The following ECHDC2 variants were observed in gnomAD, a reference collection of about 807,000 sequenced individuals.
ECHDC2 encodes enoyl-CoA hydratase domain containing 2, also known as enoyl-CoA hydratase domain-containing protein 2, mitochondrial.
A neutral mutation model predicts 40.6 loss-of-function variants in ECHDC2; 34 were observed. The observed-to-expected ratio is 0.84, with a 90% CI of 0.64 to 1.11. The LOEUF (loss-of-function observed/expected upper bound fraction) is 1.11. Ranked by LOEUF, ECHDC2 falls within the 50% of genes most tolerant of loss-of-function variation. The probability of loss-of-function intolerance (pLI) is 0.00; values close to 1 mark genes in which losing one functional copy is unlikely to be tolerated. For synonymous variants in ECHDC2, 162 were observed against 166.6 expected (o/e 0.97, Z 0.21); for missense variants, 392 against 400.7 (o/e 0.98, Z 0.19).
chr1:52,914,041 C>T lies in ECHDC2; in HGVS notation c.122-2251G>A. 1 of 1,144,268 alleles carries T rather than the reference C, an allele frequency of 8.7e-7. No individual in the cohort carries two copies. Among genetic ancestry groups the T allele is most frequent in the Non-Finnish European group, 1.2e-6 (1 of 858,720 alleles). 70.9% of individuals were successfully genotyped at this position (1,144,268 alleles called of 1,614,324 possible). On this transcript the variant is annotated intron_variant, in intron 1 of 9. Transcript: ENST00000371522. The surrounding 1 kb of genome is among the most constrained non-coding windows in gnomAD (Gnocchi z 4.0). ...GCTGTGTGCTGGCCTCTACTAGACA[C>T]CGTGATTCCAGAGACCAGGACAGAC...
At chr1:52,917,457 G>A (rs1251093983) in intron 1 of ECHDC2, 2 of 432,286 alleles carry the variant, frequency 4.6e-6, no homozygotes, top group Admixed American at 4.9e-5. Flanking sequence ...CAGAGCAGGG[G>A]AGTTCCAAAA....
chr1:52,896,703 C>T, intron 9 of ECHDC2, 106 bp from the exon 10 acceptor site: 1 of 906,608 alleles, frequency 1.1e-6, no homozygotes, highest in Non-Finnish European at 1.8e-6. Context: ...CCAAGTGTTT[C>T]CATTGTCTCT....
chr1:52,899,500 T>G (rs1425560800), intron 7 of ECHDC2: 1 of 476,788 alleles, frequency 2.1e-6, no homozygotes, highest in African/African-American at 2.0e-5. Flanking sequence ...ACAAAGTGCT[T>G]TCCTCCCCCA....
Position 52,896,216 on chromosome 1 carries a change from C to A in ECHDC2, c.*304G>T. On this transcript the variant is annotated 3_prime_UTR_variant, in exon 10 of 10. Coordinates refer to ENST00000371522, the MANE Select transcript of ECHDC2 (RefSeq NM_001198961.2). ...GGTCAGGGGCTGAGAGCCAATGATA[C>A]CAAGACTCAGAGAGATCTAATTTAA... 1 of 330,748 alleles carries A rather than the reference C, an allele frequency of 3.0e-6. No individual in the cohort carries two copies. 20.5% of individuals were successfully genotyped at this position (330,748 alleles called of 1,614,324 possible).
Position 52,914,040 on chromosome 1 carries a change from A to G in ECHDC2, c.122-2250T>C, listed in dbSNP as rs769326038. The G allele has an allele frequency of 5.2e-6, 6 of 1,148,130 alleles. No homozygotes were observed. The highest frequency in any genetic ancestry group is 1.6e-5 in the African/African-American group (1 of 63,004). The allele number at this position is 1,148,130 out of a possible 1,614,324, so 71.1% of individuals were successfully genotyped here. ...TGCTGTGTGCTGGCCTCTACTAGACACCGTGATTCCAGAGACCAGGACAGA... is the reference window on the plus strand; with the variant it reads ...TGCTGTGTGCTGGCCTCTACTAGACGCCGTGATTCCAGAGACCAGGACAGA... On this transcript the variant is annotated intron_variant, in intron 1 of 9. Transcript: ENST00000371522. This position sits in a 1 kb window ranked among gnomAD's most constrained non-coding sequence, Gnocchi z 4.0.
At chr1:52,904,532 G>A (rs1484885770) in intron 7 of ECHDC2, 114 bp downstream of exon 7, 2 of 945,436 alleles carry the variant, frequency 2.1e-6, no homozygotes, top group East Asian at 5.5e-5. Flanking sequence ...ACTCCAAAGA[G>A]GGTTAATCAT....
intron 1 of ECHDC2, chr1:52,917,561 G>A (rs535179932): frequency 4.4e-6 from 2 of 456,110 alleles, no homozygotes; most frequent in South Asian, 1.5e-5. Context: ...TGAGCCCATG[G>A]GTAGAGGAGG....
In ECHDC2 at chr1:52,905,059, G is replaced by A. The variant is rs1271360956; in HGVS notation, c.489C>T (p.Thr163=). Residue 163 remains threonine (T), a synonymous_variant, in exon 6 of 10, where the codon ACC becomes ACT. Coordinates refer to ENST00000371522, the MANE Select transcript of ECHDC2 (RefSeq NM_001198961.2). ...CTGCCCCCGGGAGGAGCCCTCGCGT[G>A]GTCTCAATCAGTCCCATGACTGCCG... ...ASSAVMGLIE[T]TRGLLPGAGG... is the part of the protein sequence containing the mutation. The A allele has an allele frequency of 6.2e-7, 1 of 1,614,186 alleles. No homozygotes were observed. The highest frequency in any genetic ancestry group is 1.7e-5 in the Admixed American group (1 of 60,030).
chr1:52,918,278 C>T (rs1651138903), intron 1 of ECHDC2, among the ~76,000 whole-genome samples: 2 of 151,894 alleles, frequency 1.3e-5, no homozygotes. Context: ...GCCTGCCTCA[C>T]CCTCTCAACG....
intron 3 of ECHDC2, among the ~76,000 whole-genome samples, chr1:52,910,831 G>A (rs190114219): frequency 1.3e-5 from 2 of 152,354 alleles, no homozygotes; most frequent in East Asian, 3.9e-4. Flanking sequence ...GCGCCTTGGC[G>A]GGAAGAGTGA....
In ECHDC2 at chr1:52,904,753, TTCCACTCAGTCGTCGGCCCG is replaced by T; in HGVS notation, c.575_594del (p.Thr192AsnfsTer2). The T allele has an allele frequency of 6.2e-7, 1 of 1,613,008 alleles. No homozygotes were observed. On this transcript the variant is annotated frameshift_variant, in exon 7 of 10. Transcript: ENST00000371522. LOFTEE classifies it high-confidence loss of function. ...ACCAGCCCCAGTACGTGGGCCTCAG[TTCCACTCAGTCGTCGGCCCG>T]TGAAGATGAGCTCCTTCGCCAGGGC...
Position 52,914,301 on chromosome 1 carries a change from T to TGTGCATGTAAGTGTGCATGC in ECHDC2, c.122-2531_122-2512dup, listed in dbSNP as rs1172631889. Among the ~76,000 whole-genome samples the TGTGCATGTAAGTGTGCATGC allele has an allele frequency of 9.2e-5, 14 of 152,170 alleles. No homozygotes were observed. The highest frequency in any genetic ancestry group is 1.9e-4 in the Non-Finnish European group (13 of 68,026). ...CAGGCAAAAGATGTAAGAGTGCATG[T>TGTGCATGTAAGTGTGCATGC]GTGCATGTAAGTGTGCATGCATGGG... On this transcript the variant is annotated intron_variant, in intron 1 of 9. Transcript: ENST00000371522. This position sits in a 1 kb window ranked among gnomAD's most constrained non-coding sequence, Gnocchi z 4.0.
chr1:52,896,646 C>T, intron 9 of ECHDC2, 49 bp from the exon 10 acceptor site: 1 of 1,497,000 alleles, frequency 6.7e-7, no homozygotes, highest in Non-Finnish European at 9.3e-7. Context: ...GGCCACAGGC[C>T]CAAAAAGAGT....
chr1:52,899,164 A>G lies in ECHDC2; in HGVS notation c.753+10T>C. 1 of 1,613,908 alleles carries G rather than the reference A, an allele frequency of 6.2e-7. No homozygotes were observed. The highest frequency in any genetic ancestry group is 1.3e-5 in the African/African-American group (1 of 74,932). ...TAGTGGACCCAAGTCCCAACCCAAAACCCTCTCACCTCCGTTCCTCGGTCA... is the reference window on the plus strand; with the variant it reads ...TAGTGGACCCAAGTCCCAACCCAAAGCCCTCTCACCTCCGTTCCTCGGTCA... On this transcript the variant is annotated intron_variant, in intron 8 of 9. Coordinates refer to ENST00000371522, the MANE Select transcript of ECHDC2 (RefSeq NM_001198961.2).
rs552149494 is a variant in ECHDC2 at position 52,896,091 on chromosome 1, G to C, written c.*429C>G. The stretch of plus-strand genomic sequence containing the variant: ...TCTGACCCCTGACACATGTTCAACC[G>C]ATGTCAGAGTTTATTTATTACCTCT... On this transcript the variant is annotated 3_prime_UTR_variant, in exon 10 of 10. Coordinates refer to ENST00000371522, the MANE Select transcript of ECHDC2 (RefSeq NM_001198961.2). 17 of 171,680 alleles carry C rather than the reference G, an allele frequency of 9.9e-5. No individual in the cohort carries two copies. Among genetic ancestry groups the C allele is most frequent in the Non-Finnish European group, 1.8e-4 (14 of 78,556 alleles). The allele number at this position is 171,680 out of a possible 1,614,324, so 10.6% of individuals were successfully genotyped here.
chr1:52,896,874 G>A (rs1646668972), intron 9 of ECHDC2: 1 of 443,488 alleles, frequency 2.3e-6, no homozygotes, highest in Non-Finnish European at 4.1e-6. Flanking sequence ...GTCTGCAGTG[G>A]TCTGACATGA....
chr1:52,918,619 G>A (rs1651248652), intron 1 of ECHDC2, among the ~76,000 whole-genome samples: 1 of 152,112 alleles, frequency 6.6e-6, no homozygotes, highest in Admixed American at 6.5e-5. Flanking sequence ...AGGATCTAAA[G>A]AAGAAAACAT....
intron 8 of ECHDC2, chr1:52,898,640 C>T (rs1032251411): frequency 7.8e-5 from 13 of 166,468 alleles, no homozygotes; most frequent in Middle Eastern, 2.8e-3. Context: ...TGCCCCCTCC[C>T]GGGGGCAGTG....
chr1:52,910,981 A>G (rs1270348443), intron 3 of ECHDC2, among the ~76,000 whole-genome samples: 1 of 152,120 alleles, frequency 6.6e-6, no homozygotes, highest in Non-Finnish European at 1.5e-5. Flanking sequence ...CTTCTGTGAG[A>G]GATGCGGAAA....
Sources: gnomAD v4.1 joint callset for allele counts (sites outside exome capture counted in the v4.1 genomes callset) on GRCh38, gnomAD v4.1.1 for gene constraint, Gnocchi (gnomAD v3.1) non-coding constraint, MANE v1.5 for transcripts, NCBI Gene and HGNC (gene_info 2026-07-23, HGNC 2026-07-21) for gene names.